The following ZDHHC15 variants were observed in gnomAD, a reference collection of about 807,000 sequenced individuals.
ZDHHC15 encodes the protein zDHHC palmitoyltransferase 15.
In ZDHHC15, 19 loss-of-function variants were observed where a neutral mutation model predicts 31.7. The ratio of observed to expected loss-of-function variants is 0.60; its 90% CI spans 0.42 to 0.88. The LOEUF is 0.88. Among genes scored for constraint, ZDHHC15 ranks in the 40% least tolerant of loss-of-function variants. The pLI is 0.00. For missense variants in ZDHHC15, 209 were observed against 251.2 expected (o/e 0.83, Z 1.14); for synonymous variants, 103 against 90.0 (o/e 1.14, Z -0.82).
At chrX:75,488,255 A>C (rs925301095) in intron 2 of ZDHHC15, among the ~76,000 whole-genome samples, 1 of 111,902 alleles carries the variant, frequency 8.9e-6, no homozygotes, top group African/African-American at 3.2e-5. Flanking sequence ...AAAGAATCTT[A>C]AGACCTGTGA....
rs961745053 is a variant in ZDHHC15, at chrX:75,386,527, G to A, written c.968-7329C>T. Among the ~76,000 whole-genome samples the A allele has an allele frequency of 7.2e-5, 8 of 111,328 alleles. No homozygotes were observed. In the South Asian group the frequency reaches 1.6e-3, roughly 22 times the overall value. ...GTCTCACGCTGTTGCCCAGGCTGGA[G>A]TGCAGTTGTGTGGTCAGTTTACTCC... On this transcript the variant is annotated intron_variant, in intron 10 of 11. Coordinates refer to ENST00000373367, the MANE Select transcript of ZDHHC15 (RefSeq NM_144969.3).
chrX:75,410,573 T>C (rs2083473881), intron 10 of ZDHHC15, among the ~76,000 whole-genome samples: 2 of 111,435 alleles, frequency 1.8e-5, no homozygotes, highest in South Asian at 7.5e-4. Flanking sequence ...CTTGTTAAAA[T>C]AAGACCGTGA....
At chrX:75,513,911 C>T (rs762253595) in intron 1 of ZDHHC15, among the ~76,000 whole-genome samples, 1 of 111,549 alleles carries the variant, frequency 9.0e-6, no homozygotes, top group Non-Finnish European at 1.9e-5. Context: ...CAGCTGATTT[C>T]TCTTAAGAAC....
rs145864371 is a variant in ZDHHC15, at chrX:75,431,455, C to T, written c.445G>A (p.Ala149Thr). ...GGAAATATGGCCGTCACTTACATAG[C>T]ACAGACAGAGCAGTGGTGGCAGCGG... is the stretch of plus-strand genomic sequence containing the variant. The part of the protein sequence containing the change: ...PDRCHHCSVC[A>T]MCVLKMDHHC... Residue 149 changes from alanine (A) to threonine (T), a missense_variant, in exon 5 of 12, where the codon GCT becomes ACT. Coordinates refer to ENST00000373367, the MANE Select transcript of ZDHHC15 (RefSeq NM_144969.3). 8.3e-7 allele frequency: 1 copy of T among 1,208,322 alleles called. No homozygotes were observed. Among genetic ancestry groups the T allele is most frequent in the Admixed American group, 2.2e-5 (1 of 45,754 alleles).
At chrX:75,488,387 T>C (rs1397853556) in intron 2 of ZDHHC15, among the ~76,000 whole-genome samples, 5 of 111,732 alleles carry the variant, frequency 4.5e-5, no homozygotes, top group African/African-American at 1.6e-4. Context: ...AACAAAATAA[T>C]TGTCAGTCAA....
chrX:75,487,015 C>A (rs936230194), intron 2 of ZDHHC15, among the ~76,000 whole-genome samples: 3 of 111,602 alleles, frequency 2.7e-5, no homozygotes, highest in African/African-American at 9.8e-5. Flanking sequence ...AGATTACATA[C>A]CCTTCTACTA....
intron 4 of ZDHHC15, among the ~76,000 whole-genome samples, chrX:75,436,459 T>A (rs2083853009): frequency 8.9e-6 from 1 of 112,032 alleles, no homozygotes. Context: ...GACTTTTTGA[T>A]GTAGGCACTT....
chrX:75,488,872 C>A (rs374135910), intron 2 of ZDHHC15, among the ~76,000 whole-genome samples: 1 of 112,149 alleles, frequency 8.9e-6, no homozygotes, highest in Non-Finnish European at 1.9e-5. Flanking sequence ...CTGATGACGG[C>A]ACCTGGAAAA....
intron 10 of ZDHHC15, among the ~76,000 whole-genome samples, chrX:75,398,650 C>T (rs774143473): frequency 7.2e-5 from 8 of 111,696 alleles, no homozygotes; most frequent in African/African-American, 9.8e-5. Context: ...CCTCACTGGG[C>T]GGGACCTCCC....
chrX:75,434,646 G>C lies in ZDHHC15; in HGVS notation c.380-3126C>G, dbSNP rs1166166425. On this transcript the variant is annotated intron_variant, in intron 4 of 11. Transcript: ENST00000373367. ...TTGCTTTGTCAAAAATCAGTTAGCT[G>C]TAAGTATTTGGGCTTATTTCTGGGT... Among the ~76,000 whole-genome samples, 3 of 111,748 alleles carry C rather than the reference G, an allele frequency of 2.7e-5. No homozygotes were observed. In the Admixed American group the frequency reaches 2.9e-4, roughly 11 times the overall value.
chrX:75,490,791 TTGTC>T (rs2084873026), intron 2 of ZDHHC15, among the ~76,000 whole-genome samples: 2 of 111,781 alleles, frequency 1.8e-5, no homozygotes, highest in Non-Finnish European at 1.9e-5. Flanking sequence ...GGCTCTCTGT[TTGTC>T]TGTTATTGGT....
chrX:75,408,771 C>T (rs748700323), intron 10 of ZDHHC15, among the ~76,000 whole-genome samples: 5 of 112,239 alleles, frequency 4.5e-5, no homozygotes, highest in Non-Finnish European at 7.5e-5. Flanking sequence ...AATCAACCTA[C>T]GAAAATCAGT....
chrX:75,393,928 G>A (rs1439822275), intron 10 of ZDHHC15, among the ~76,000 whole-genome samples: 1 of 111,487 alleles, frequency 9.0e-6, no homozygotes, highest in Non-Finnish European at 1.9e-5. Context: ...AAAGATGTAG[G>A]CTGGGAGGCT....
intron 2 of ZDHHC15, among the ~76,000 whole-genome samples, chrX:75,502,503 T>A (rs1349284355): frequency 1.8e-5 from 2 of 111,889 alleles, no homozygotes; most frequent in Non-Finnish European, 3.8e-5. Flanking sequence ...AATCAGAAAA[T>A]TTAGTATGCA....
chrX:75,420,558 A>T (rs765836730), intron 9 of ZDHHC15, among the ~76,000 whole-genome samples: 2 of 111,698 alleles, frequency 1.8e-5, no homozygotes, highest in Admixed American at 9.6e-5. Flanking sequence ...ACCAACCCAA[A>T]TGCCCATCAA....
intron 2 of ZDHHC15, among the ~76,000 whole-genome samples, chrX:75,496,753 C>G (rs1356502873): frequency 9.0e-6 from 1 of 111,271 alleles, no homozygotes; most frequent in Non-Finnish European, 1.9e-5. Context: ...GCTCCTGGAT[C>G]AACAGTAAAA....
intron 3 of ZDHHC15, among the ~76,000 whole-genome samples, chrX:75,465,380 C>A (rs1482870883): frequency 8.9e-6 from 1 of 111,757 alleles, no homozygotes; most frequent in African/African-American, 3.3e-5. Context: ...GGCCAAACTG[C>A]CCAAAGTAAT....
At chrX:75,494,480 T>A (rs1212482455) in intron 2 of ZDHHC15, among the ~76,000 whole-genome samples, 3 of 111,328 alleles carry the variant, frequency 2.7e-5, no homozygotes, top group Non-Finnish European at 3.8e-5. Flanking sequence ...GCCAAGTCAA[T>A]CCTAAGCCAA....
chrX:75,450,812 A>T lies in ZDHHC15; in HGVS notation c.369T>A (p.Thr123=). Residue 123 remains threonine, a synonymous_variant, in exon 4 of 12, where the codon ACT becomes ACA. Transcript: ENST00000373367. ...TTTGGATGAACTGACCTCCACTTCC[A>T]GTTCTTGTGTAAACCGGTAGCTTTT... ...MAKKLPVYTR[T]GSGAVRFCDR... is the part of the protein sequence containing the mutation. 1 of 1,210,956 alleles carries T rather than the reference A, an allele frequency of 8.3e-7. No individual in the cohort carries two copies. Among genetic ancestry groups the T allele is most frequent in the Non-Finnish European group, 1.1e-6 (1 of 894,936 alleles).
Sources: allele counts gnomAD v4.1 joint callset (sites outside exome capture counted in the v4.1 genomes callset), GRCh38; gene constraint gnomAD v4.1.1; transcripts MANE v1.5; gene names NCBI Gene and HGNC (gene_info 2026-07-23, HGNC 2026-07-21).